The following ANKRD36 variants were observed in gnomAD, a reference collection of about 807,000 sequenced individuals.
The protein encoded by ANKRD36 is ankyrin repeat domain 36.
Under a neutral mutation model 278.1 loss-of-function variants are expected in ANKRD36, and 179 were observed. The observed-to-expected ratio is 0.64, with a 90% CI of 0.57 to 0.73. The LOEUF is 0.73. Among genes scored for constraint, ANKRD36 ranks in the 30% least tolerant of loss-of-function variants. The pLI is 0.00. For synonymous variants in ANKRD36, 320 were observed against 641.1 expected (o/e 0.50, Z 7.57); for missense variants, 1,159 against 1,956.7 (o/e 0.59, Z 7.69).
At chr2:97,152,001 T>C (rs1323390637) in intron 13 of ANKRD36, 62 bp downstream of exon 13, 29 of 1,290,926 alleles carry the variant, frequency 2.2e-5, no homozygotes, top group Non-Finnish European at 3.1e-5. Flanking sequence ...TTTTTTTTTT[T>C]CTTTGTGAAA....
At chr2:97,160,954 A>G (rs1559402180) in intron 17 of ANKRD36, among the ~76,000 whole-genome samples, 1 of 151,982 alleles carries the variant, frequency 6.6e-6, no homozygotes, top group Non-Finnish European at 1.5e-5. Flanking sequence ...AATATATTTT[A>G]TATCTTTTAA....
chr2:97,135,121 A>G (rs1396969774), intron 6 of ANKRD36, among the ~76,000 whole-genome samples: 1 of 152,056 alleles, frequency 6.6e-6, no homozygotes, highest in Admixed American at 6.6e-5. Context: ...GTGTTTTGCC[A>G]TAGAATAGAG....
At chr2:97,198,184 C>T (rs879676986) in intron 42 of ANKRD36, among the ~76,000 whole-genome samples, 4 of 151,918 alleles carry the variant, frequency 2.6e-5, no homozygotes, top group Non-Finnish European at 5.9e-5. Flanking sequence ...CCTCATCACT[C>T]GGCATATCCA....
intron 48 of ANKRD36, among the ~76,000 whole-genome samples, chr2:97,203,671 G>A (rs1413944638): frequency 6.6e-6 from 1 of 151,800 alleles, no homozygotes; most frequent in African/African-American, 2.4e-5. Context: ...GTATAATGGT[G>A]TAAATCCTTT....
At chr2:97,133,047 A>T (rs1248255762) in intron 6 of ANKRD36, among the ~76,000 whole-genome samples, 10 of 152,128 alleles carry the variant, frequency 6.6e-5, no homozygotes, top group Non-Finnish European at 1.5e-5. Context: ...GTTTAGGTAC[A>T]GTGAGCTACT....
rs187556886 is a variant in ANKRD36 at position 97,191,141 on chromosome 2, C to G, written c.2307C>G (p.Asn769Lys). Residue 769 changes from asparagine (N) to lysine (K), a missense_variant, in exon 36 of 76, where the codon AAC (asparagine) becomes AAG (lysine). Coordinates refer to ENST00000420699, the MANE Select transcript of ANKRD36 (RefSeq NM_001354587.1). ...ATTDEKDSVS[N>K]IATEIKDGEK... ...CTGATGAGAAAGATTCTGTTTCGAA[C>G]ATAGCCACAGAAATAAAGGATGGAG... is the stretch of plus-strand genomic sequence containing the variant. 6.3e-4 allele frequency: 1,011 copies of G among 1,598,934 alleles called. 37 individuals are homozygous for G. The East Asian group carries it at 0.022, about 35-fold the overall frequency.
intron 54 of ANKRD36, among the ~76,000 whole-genome samples, chr2:97,208,960 A>G (rs1432388086): frequency 6.8e-6 from 1 of 146,722 alleles, no homozygotes; most frequent in African/African-American, 2.7e-5. Flanking sequence ...TACTTTGTAG[A>G]CGTATGTCAA....
Position 97,113,413 on chromosome 2 carries a change from A to G in ANKRD36, c.-327A>G. On this transcript the variant is annotated 5_prime_UTR_variant, in exon 1 of 76. Coordinates refer to ENST00000420699, the MANE Select transcript of ANKRD36 (RefSeq NM_001354587.1). ...AGAAGAGCGCGCGGGCGACAGTTAA[A>G]CAGGCCCTGGGGCAGGGCGCGCCTC... 2.6e-6 allele frequency: 1 copy of G among 377,418 alleles called. No individual in the cohort carries two copies. The highest frequency in any genetic ancestry group is 4.8e-6 in the Non-Finnish European group (1 of 209,582). The allele number at this position is 377,418 out of a possible 1,614,324, so 23.4% of individuals were successfully genotyped here.
In ANKRD36 at chr2:97,211,601, A is replaced by G. The variant is rs745678771; in HGVS notation, c.3396+27A>G. 1.0e-5 allele frequency: 16 copies of G among 1,605,326 alleles called. No homozygotes were observed. In the African/African-American group the frequency reaches 1.5e-4, roughly 15 times the overall value. ...TAATTAAGCTCTCATTTATATTTTG[A>G]ACTATTAACTGTATAGTATATGAAA... On this transcript the variant is annotated intron_variant, in intron 57 of 75. Coordinates refer to ENST00000420699, the MANE Select transcript of ANKRD36 (RefSeq NM_001354587.1).
intron 22 of ANKRD36, among the ~76,000 whole-genome samples, chr2:97,179,219 G>A (rs2055372224): frequency 6.6e-6 from 1 of 151,514 alleles, no homozygotes; most frequent in Non-Finnish European, 1.5e-5. Context: ...AGCTGATTAA[G>A]TTAGGACACT....
rs2035925391 is a variant in ANKRD36 at position 97,117,922 on chromosome 2, C to T, written c.198-142C>T. On this transcript the variant is annotated intron_variant, in intron 1 of 75. Coordinates refer to ENST00000420699, the MANE Select transcript of ANKRD36 (RefSeq NM_001354587.1). Reference sequence around the variant, plus strand: ...TTTTCTATTAAATAGCCTGCTCTTTCATTAATGTGGTGAGTAATAAGCGCT... The same window carrying T: ...TTTTCTATTAAATAGCCTGCTCTTTTATTAATGTGGTGAGTAATAAGCGCT... The T allele has an allele frequency of 3.3e-6, 4 of 1,220,612 alleles. No homozygotes were observed. The South Asian group carries it at 5.0e-5, about 15-fold the overall frequency. 75.6% of individuals were successfully genotyped at this position (1,220,612 alleles called of 1,614,324 possible).
chr2:97,205,770 T>A (rs1373243157), intron 50 of ANKRD36, among the ~76,000 whole-genome samples, 170 bp from the exon 51 acceptor site: 1 of 151,530 alleles, frequency 6.6e-6, no homozygotes, highest in Non-Finnish European at 1.5e-5. Flanking sequence ...TGTATTCCCT[T>A]TTCTCAGTGT....
chr2:97,231,871 G>A (rs549806558), intron 67 of ANKRD36, among the ~76,000 whole-genome samples: 3,526 of 152,044 alleles, frequency 0.023, 128 homozygotes, highest in African/African-American at 0.08. Context: ...AGTAATATTA[G>A]GAAAAAGCAC....
chr2:97,127,839 G>A (rs528613444), intron 6 of ANKRD36, among the ~76,000 whole-genome samples: 1 of 151,792 alleles, frequency 6.6e-6, no homozygotes, highest in African/African-American at 2.4e-5. Context: ...TTTTTTATTT[G>A]TAAAAAAACA....
chr2:97,172,333 A>G (rs539742359), intron 22 of ANKRD36, among the ~76,000 whole-genome samples: 1 of 151,984 alleles, frequency 6.6e-6, no homozygotes, highest in South Asian at 2.1e-4. Context: ...GTATTTCTTG[A>G]TTTATTGTAT....
At chr2:97,141,228 C>CACACACATAT (rs754117026) in intron 6 of ANKRD36, among the ~76,000 whole-genome samples, 1 of 148,350 alleles carries the variant, frequency 6.7e-6, no homozygotes, top group African/African-American at 2.5e-5. Context: ...GCAATCATGA[C>CACACACATAT]ATATATATAT....
chr2:97,155,526 T>C (rs1417024180), intron 15 of ANKRD36, among the ~76,000 whole-genome samples: 2 of 146,674 alleles, frequency 1.4e-5, no homozygotes, highest in East Asian at 3.9e-4. Flanking sequence ...GTTTTCCAAG[T>C]CTTTTTTATT....
chr2:97,229,407 C>G (rs1469050961), intron 67 of ANKRD36, among the ~76,000 whole-genome samples: 1 of 152,090 alleles, frequency 6.6e-6, no homozygotes, highest in Admixed American at 6.5e-5. Context: ...TTCTTTGTCT[C>G]TTTCGATCTT....
chr2:97,155,874 C>G (rs2047301076), intron 15 of ANKRD36, among the ~76,000 whole-genome samples: 1 of 146,114 alleles, frequency 6.8e-6, no homozygotes, highest in Non-Finnish European at 1.5e-5. Flanking sequence ...TAATGTGAAT[C>G]AACAAACAGG....
Sources: allele counts gnomAD v4.1 joint callset (sites outside exome capture counted in the v4.1 genomes callset), GRCh38; gene constraint gnomAD v4.1.1; transcripts MANE v1.5; gene names NCBI Gene and HGNC (gene_info 2026-07-23, HGNC 2026-07-21).